The following ACACA variants were observed in gnomAD, a reference collection of about 807,000 sequenced individuals.
The protein encoded by ACACA is acetyl-CoA carboxylase alpha.
ACACA carries 103 observed loss-of-function variants against 296.1 expected under a neutral mutation model. The observed-to-expected ratio is 0.35, with a 90% confidence interval of 0.30 to 0.41. The LOEUF (loss-of-function observed/expected upper bound fraction) is 0.41. Among genes scored for constraint, ACACA ranks in the 10% least tolerant of loss-of-function variants. The pLI is 1.00. For synonymous variants in ACACA, 953 were observed against 1,038.6 expected, an observed-to-expected ratio of 0.92 and a Z score of 1.58; for missense variants, 1,554 against 2,989.7, an observed-to-expected ratio of 0.52 and a Z score of 11.20.
intron 24 of ACACA, 61 bp from the exon 25 acceptor site, chr17:37,235,160 T>C (rs1361196187): frequency 2.1e-5 from 33 of 1,593,598 alleles, no homozygotes; most frequent in Non-Finnish European, 2.7e-5. Context: ...TTACATGCTA[T>C]TTGTTTTGTA....
At position 37,086,355 on chromosome 17, in the gene ACACA, C is replaced by G. The variant is rs1281248153; in HGVS notation, c.*961G>C. The stretch of plus-strand genomic sequence containing the variant: ...ATCCAAGCTCCAGGCTTCATAGGAA[C>G]AACTTTCCAAGTCCTCAAAACAAAC... On this transcript the variant is annotated 3_prime_UTR_variant, in exon 56 of 56. Coordinates refer to ENST00000616317, the MANE Select transcript of ACACA (RefSeq NM_198834.3). The G allele has an allele frequency of 6.6e-6, 1 of 152,440 alleles. No homozygotes were observed. The highest frequency in any genetic ancestry group is 2.4e-5 in the African/African-American group (1 of 41,476). The allele number at this position is 152,440 out of a possible 1,614,324, so 9.4% of individuals were successfully genotyped here.
chr17:37,174,499 G>C (rs2077033309), intron 41 of ACACA, among the ~76,000 whole-genome samples: 1 of 151,916 alleles, frequency 6.6e-6, no homozygotes, highest in Admixed American at 6.6e-5. Flanking sequence ...GTGTGTAGAG[G>C]TGACCATCAA....
intron 1 of ACACA, among the ~76,000 whole-genome samples, chr17:37,370,149 G>A (rs1018482227): frequency 2.4e-4 from 37 of 151,464 alleles, no homozygotes; most frequent in Middle Eastern, 3.4e-3. Context: ...TGCACTACAG[G>A]CATGAGCCAC....
intron 54 of ACACA, 46 bp from the exon 55 acceptor site, chr17:37,089,120 C>T (rs1377010557): frequency 6.2e-7 from 1 of 1,613,636 alleles, no homozygotes. Flanking sequence ...TCAGGCCAGG[C>T]CGGGACACCC....
chr17:37,087,666 C>CA (rs947053588), intron 55 of ACACA, among the ~76,000 whole-genome samples: 28 of 151,696 alleles, frequency 1.8e-4, no homozygotes, highest in Admixed American at 5.3e-4. Flanking sequence ...AAACAAAACC[C>CA]AAAAAAAACC....
chr17:37,248,559 A>G, intron 17 of ACACA, 34 bp downstream of exon 17: 7 of 1,497,642 alleles, frequency 4.7e-6, no homozygotes, highest in Non-Finnish European at 6.5e-6. Flanking sequence ...TAGCTAAAAA[A>G]GTAAGGTGCA....
At chr17:37,243,993 C>A (rs937826701) in intron 21 of ACACA, among the ~76,000 whole-genome samples, 3 of 151,666 alleles carry the variant, frequency 2.0e-5, no homozygotes, top group Non-Finnish European at 2.9e-5. Flanking sequence ...AGATTACAGG[C>A]GTGAGCCAAC....
Position 37,224,996 on chromosome 17 carries a change from A to T in ACACA, c.3470T>A (p.Leu1157Gln), listed in dbSNP as rs778664945. ...MYGHQFCIEN[L>Q]QKLILSETSI... The stretch of plus-strand genomic sequence containing the variant: ...TATATATATATATATATATACCTGC[A>T]GGTTCTCAATGCAAAATTGATGTCC... Residue 1157 changes from leucine to glutamine, a missense_variant, in exon 27 of 56, where the codon CTG becomes CAG. Physicochemically the swap from Leu to Gln is moderately radical, Grantham distance 113. Transcript: ENST00000616317. The T allele has an allele frequency of 4.7e-6, 7 of 1,476,930 alleles. No homozygotes were observed. The highest frequency in any genetic ancestry group is 6.6e-6 in the Non-Finnish European group (7 of 1,057,474). The allele number at this position is 1,476,930 out of a possible 1,614,324, so 91.5% of individuals were successfully genotyped here.
intron 3 of ACACA, chr17:37,299,256 C>A (rs369197457): frequency 2.5e-6 from 4 of 1,610,060 alleles, no homozygotes; most frequent in Non-Finnish European, 3.4e-6. Context: ...ATATATTACC[C>A]AAATGTGGTA....
Position 37,248,623 on chromosome 17 carries a change from A to G in ACACA, c.2133T>C (p.Leu711=). The change falls in exon 17 of 56, where the codon CTT becomes CTC. Residue 711 remains leucine (L), a synonymous_variant. Coordinates refer to ENST00000616317, the MANE Select transcript of ACACA (RefSeq NM_198834.3). ...GTACATACTTGACTCCCTCATAGAT[A>G]AGTTCAACATCTACTGTATTCAGAA... ...HTLLNTVDVE[L]IYEGVKYVLK... 1 of 1,611,560 alleles carries G rather than the reference A, an allele frequency of 6.2e-7. No homozygotes were observed.
At chr17:37,088,309 T>C (rs1256494361) in intron 55 of ACACA, among the ~76,000 whole-genome samples, 1 of 152,172 alleles carries the variant, frequency 6.6e-6, no homozygotes, top group African/African-American at 2.4e-5. Flanking sequence ...GGCCATGATA[T>C]ATGTAACACC....
intron 3 of ACACA, among the ~76,000 whole-genome samples, chr17:37,287,990 G>A (rs900539977): frequency 3.9e-5 from 6 of 152,106 alleles, no homozygotes; most frequent in Non-Finnish European, 8.8e-5. Flanking sequence ...TTAAAGTTAA[G>A]AGGCACCTTA....
In ACACA at chr17:37,200,452, C is replaced by T. The variant is rs1192332321; in HGVS notation, c.4088G>A (p.Arg1363His). The T allele has an allele frequency of 6.2e-7, 1 of 1,613,306 alleles. No homozygotes were observed. ...KATLVDHGIR[R>H]LTFLVAQKDF... ...CTTTTGTGCAACCAGGAAAGTAAGG[C>T]GCCGGATCCCATGGTCAACCAGGGT... The change falls in exon 34 of 56, where the codon CGC becomes CAC. Residue 1363 changes from arginine to histidine, a missense_variant. This residue lies in a region of ACACA where 179 missense variants were observed against 283.2 expected (regional missense o/e 0.63). Coordinates refer to ENST00000616317, the MANE Select transcript of ACACA (RefSeq NM_198834.3).
chr17:37,257,178 G>T (rs1001830428), intron 14 of ACACA, among the ~76,000 whole-genome samples: 1 of 152,060 alleles, frequency 6.6e-6, no homozygotes, highest in African/African-American at 2.4e-5. Context: ...TAGCAATGTA[G>T]ACAGTTTCTT....
intron 1 of ACACA, among the ~76,000 whole-genome samples, chr17:37,354,685 G>T (rs1477612372): frequency 6.6e-6 from 1 of 152,166 alleles, no homozygotes; most frequent in Non-Finnish European, 1.5e-5. Context: ...AACACTTTGG[G>T]AGGCTGAAGT....
At chr17:37,305,393 T>A (rs2083823130) in intron 3 of ACACA, among the ~76,000 whole-genome samples, 1 of 152,240 alleles carries the variant, frequency 6.6e-6, no homozygotes, top group Non-Finnish European at 1.5e-5. Flanking sequence ...TGTTTAAATG[T>A]GGCTTTTGAG....
chr17:37,297,333 C>T (rs191802304), intron 3 of ACACA, among the ~76,000 whole-genome samples: 136 of 149,686 alleles, frequency 9.1e-4, no homozygotes, highest in Middle Eastern at 3.4e-3. Flanking sequence ...CCCAGCTACT[C>T]GGGAGGCTGA....
chr17:37,325,288 A>G (rs945990603), intron 3 of ACACA, among the ~76,000 whole-genome samples: 1 of 148,018 alleles, frequency 6.8e-6, no homozygotes, highest in African/African-American at 2.5e-5. Context: ...ATTGCTTGAA[A>G]CCAGGAAGCA....
intron 52 of ACACA, among the ~76,000 whole-genome samples, chr17:37,104,801 T>C (rs1357235090): frequency 6.6e-6 from 1 of 151,960 alleles, no homozygotes; most frequent in East Asian, 1.9e-4. Context: ...ATTAGCGGAA[T>C]GTGGTGGCGC....
Sources: allele counts gnomAD v4.1 joint callset (sites outside exome capture counted in the v4.1 genomes callset), GRCh38; gene constraint gnomAD v4.1.1; regional missense constraint gnomAD v4.1.1; transcripts MANE v1.5; gene names NCBI Gene and HGNC (gene_info 2026-07-23, HGNC 2026-07-21).